ANKRD28: variants seen among roughly 807,000 people sequenced by gnomAD.
ANKRD28 encodes the protein ankyrin repeat domain 28.
A neutral mutation model predicts 126.5 loss-of-function variants in ANKRD28; 44 were observed. The ratio of observed to expected loss-of-function variants is 0.35; its 90% CI spans 0.27 to 0.45. The LOEUF is 0.45. Ranked by LOEUF, ANKRD28 falls within the 20% of genes least tolerant of loss-of-function variation. ANKRD28 has a pLI of 1.00. For missense variants in ANKRD28, 1,110 were observed against 1,316.6 expected (o/e 0.84, Z 2.43); for synonymous variants, 442 against 468.5 (o/e 0.94, Z 0.73).
intron 1 of ANKRD28, among the ~76,000 whole-genome samples, chr3:15,842,935 GA>G (rs1365861003): frequency 1.3e-5 from 2 of 152,130 alleles, no homozygotes; most frequent in Non-Finnish European, 2.9e-5. Flanking sequence ...AGCACACCCG[GA>G]CAGAAACAAG....
chr3:15,840,854 C>T lies in ANKRD28; in HGVS notation c.27+18523G>A, dbSNP rs139574073. Among the ~76,000 whole-genome samples, 529 of 152,238 alleles carry T rather than the reference C, an allele frequency of 3.5e-3. 2 individuals are homozygous for T. The highest frequency in any genetic ancestry group is 0.012 in the African/African-American group (510 of 41,548). On this transcript the variant is annotated intron_variant, in intron 1 of 27. Coordinates refer to the ANKRD28 transcript ENST00000399451. ...ATCTCTACATGGAAAAGAATGAAGACTCCTGGCCGGGTGTGGTGGCTCACG... is the reference window on the plus strand; with the variant it reads ...ATCTCTACATGGAAAAGAATGAAGATTCCTGGCCGGGTGTGGTGGCTCACG...
rs150962529 is a variant in ANKRD28 at position 15,731,662 on chromosome 3, C to G, written c.640+3748G>C. Among the ~76,000 whole-genome samples, 60 of 151,954 alleles carry G rather than the reference C, an allele frequency of 3.9e-4. 1 individual carries two copies. Among genetic ancestry groups the G allele is most frequent in the African/African-American group, 1.4e-3 (57 of 41,448 alleles). On this transcript the variant is annotated intron_variant, in intron 6 of 27. Transcript: ENST00000683139. The stretch of plus-strand genomic sequence containing the variant: ...TGCAGAAGTTCAAGACCAGCCTGGT[C>G]AACATGGTGAAACCTCATCTCTACT...
chr3:15,762,224 A>AAC (rs1375653227), intron 3 of ANKRD28, among the ~76,000 whole-genome samples: 1,234 of 107,258 alleles, frequency 0.012, 18 homozygotes, highest in African/African-American at 0.04. Context: ...CAAAACAAAA[A>AAC]AAAAAAAACT....
chr3:15,802,401 C>A (rs1447348779), upstream of ANKRD28, among the ~76,000 whole-genome samples: 1 of 152,100 alleles, frequency 6.6e-6, no homozygotes, highest in Non-Finnish European at 1.5e-5. Context: ...ATAAAAAGTC[C>A]TGCCTTGTTT....
intron 1 of ANKRD28, among the ~76,000 whole-genome samples, chr3:15,824,352 C>T (rs998901742): frequency 1.3e-5 from 2 of 152,140 alleles, no homozygotes; most frequent in African/African-American, 4.8e-5. Context: ...GACGGCATTT[C>T]ACCACGTTGC....
At chr3:15,851,218 A>G (rs1460397236) in intron 1 of ANKRD28, among the ~76,000 whole-genome samples, 1 of 152,154 alleles carries the variant, frequency 6.6e-6, no homozygotes, top group Non-Finnish European at 1.5e-5. Flanking sequence ...CAACATCATT[A>G]GGCATCAAAA....
At chr3:15,711,078 T>C in intron 12 of ANKRD28, 133 bp downstream of exon 12, 1 of 735,224 alleles carries the variant, frequency 1.4e-6, no homozygotes, top group Non-Finnish European at 2.1e-6. Flanking sequence ...CCTGGACTTT[T>C]TTTTCCCAAA....
rs1415859748 is a variant in ANKRD28, at chr3:15,843,871, G to A, written c.27+15506C>T. ...AGCAATGGGCAAGTTGCAAGAGGCA[G>A]AAGATGGAGATGAAAAGGAGAAGAC... On this transcript the variant is annotated intron_variant, in intron 1 of 27. Coordinates refer to the ANKRD28 transcript ENST00000399451. This position sits in a 1 kb window ranked among gnomAD's most constrained non-coding sequence, Gnocchi z 5.2. Among the ~76,000 whole-genome samples the A allele has an allele frequency of 6.6e-6, 1 of 152,140 alleles. No homozygotes were observed. The highest frequency in any genetic ancestry group is 1.9e-4 in the East Asian group (1 of 5,186).
At chr3:15,760,847 G>C (rs2058421908) in intron 3 of ANKRD28, among the ~76,000 whole-genome samples, 1 of 152,174 alleles carries the variant, frequency 6.6e-6, no homozygotes, top group Non-Finnish European at 1.5e-5. Context: ...ACATAAGTCA[G>C]AGCATGTTAT....
chr3:15,857,584 C>T (rs970420997), intron 1 of ANKRD28, among the ~76,000 whole-genome samples: 1 of 152,318 alleles, frequency 6.6e-6, no homozygotes, highest in African/African-American at 2.4e-5. Flanking sequence ...CGCGCCTGGC[C>T]GCAAGTGGCA....
chr3:15,714,527 T>C (rs2072753962), intron 9 of ANKRD28, 51 bp downstream of exon 9: 1 of 1,149,768 alleles, frequency 8.7e-7, no homozygotes, highest in African/African-American at 1.7e-5. Context: ...TTTTACTACA[T>C]TTAAGAAAAA....
chr3:15,848,920 A>G (rs2061581474), intron 1 of ANKRD28, among the ~76,000 whole-genome samples: 1 of 152,156 alleles, frequency 6.6e-6, no homozygotes, highest in African/African-American at 2.4e-5. Context: ...AAGCAAAATT[A>G]TCTCTAGTCA....
upstream of ANKRD28, among the ~76,000 whole-genome samples, chr3:15,799,080 C>G (rs2060398711): frequency 6.6e-6 from 1 of 151,946 alleles, no homozygotes. Flanking sequence ...CATACTCTTT[C>G]TAATCTATTC....
intron 1 of ANKRD28, among the ~76,000 whole-genome samples, chr3:15,807,166 C>T (rs1292488943): frequency 6.6e-6 from 1 of 152,156 alleles, no homozygotes; most frequent in African/African-American, 2.4e-5. Flanking sequence ...TATTGTCATG[C>T]AGTAGAAGTG....
intron 8 of ANKRD28, among the ~76,000 whole-genome samples, chr3:15,716,541 C>T (rs1445729908): frequency 6.6e-6 from 1 of 151,996 alleles, no homozygotes; most frequent in Non-Finnish European, 1.5e-5. Flanking sequence ...GCCTTGGCTT[C>T]CCAAAGTGCT....
Position 15,678,311 on chromosome 3 carries a change from A to C in ANKRD28, c.2605T>G (p.Leu869Val). 1.2e-6 allele frequency: 2 copies of C among 1,612,850 alleles called. No individual in the cohort carries two copies. Among genetic ancestry groups the C allele is most frequent in the Non-Finnish European group, 1.7e-6 (2 of 1,179,546 alleles). ...GCATTATGGCTGAGCAGCAGCTGTA[A>C]ACACTCTACATGGTCTGTGAAGGCG... ...AAAFTDHVEC[L>V]QLLLSHNAQV... Residue 869 changes from leucine (L) to valine (V), a missense_variant, in exon 24 of 28, where the codon TTA becomes GTA. By Grantham distance (32) the Leu-to-Val change is conservative. Coordinates refer to ENST00000683139, the MANE Select transcript of ANKRD28 (RefSeq NM_001349278.2).
At chr3:15,722,722 GAAAA>G (rs911520838) in intron 7 of ANKRD28, among the ~76,000 whole-genome samples, 1 of 151,864 alleles carries the variant, frequency 6.6e-6, no homozygotes, top group Non-Finnish European at 1.5e-5. Context: ...ATCAGAGGAA[GAAAA>G]AAAGTTAACA....
chr3:15,684,872 C>A, intron 21 of ANKRD28: 1 of 214,758 alleles, frequency 4.7e-6, no homozygotes. Context: ...GCCTGTAATC[C>A]CAACACTTTG....
intron 14 of ANKRD28, among the ~76,000 whole-genome samples, chr3:15,699,780 G>A (rs951289583): frequency 6.6e-6 from 1 of 152,232 alleles, no homozygotes; most frequent in Admixed American, 6.5e-5. Flanking sequence ...CTTTTACACT[G>A]TCAGTGGGAG....
Sources: allele counts gnomAD v4.1 joint callset (sites outside exome capture counted in the v4.1 genomes callset), GRCh38; gene constraint gnomAD v4.1.1; non-coding constraint Gnocchi (gnomAD v3.1); transcripts MANE v1.5; gene names NCBI Gene and HGNC (gene_info 2026-07-23, HGNC 2026-07-21).